Variants in SEMA3D observed in about 807,000 individuals in gnomAD.
The protein encoded by SEMA3D is semaphorin-3D.
In SEMA3D, 84 loss-of-function variants were observed where a neutral mutation model predicts 100.1. The observed-to-expected ratio is 0.84, with a 90% CI of 0.70 to 1.01. SEMA3D has a LOEUF of 1.01. SEMA3D is among the 50% of genes least tolerant of loss of function. SEMA3D has a pLI of 0.00. For synonymous variants in SEMA3D, 312 were observed against 320.7 expected, an observed-to-expected ratio of 0.97 and a Z score of 0.29; for missense variants, 875 against 934.1, an observed-to-expected ratio of 0.94 and a Z score of 0.82.
At position 85,147,092 on chromosome 7, in the gene SEMA3D, CTTTTTTTTTTTTTTTTT is replaced by C. The variant is rs752922884; in HGVS notation, c.-41+6499_-41+6515del. The stretch of plus-strand genomic sequence containing the variant: ...TCTTTCTTTCTTTTCTTTTTCTTTT[CTTTTTTTTTTTTTTTTT>C]TTTTTTTTTTGAGACGGAGTTTTCC... On this transcript the variant is annotated intron_variant, in intron 2 of 18. Transcript: ENST00000284136. Among the ~76,000 whole-genome samples the C allele has an allele frequency of 1.7e-4, 8 of 48,152 alleles. No individual in the cohort carries two copies. In the East Asian group the frequency reaches 2.8e-3, roughly 17 times the overall value. 31.6% of individuals were successfully genotyped at this position (48,152 alleles called of 152,430 possible).
At chr7:85,216,705 G>GA in the SEMA3D span, among the ~76,000 whole-genome samples, 1 of 151,600 alleles carries the variant, frequency 6.6e-6, no homozygotes, top group African/African-American at 2.4e-5. Flanking sequence ...AAAAATGCAA[G>GA]AAAAAAATGG....
chr7:85,128,426 C>G (rs370519772), intron 2 of SEMA3D, among the ~76,000 whole-genome samples: 3 of 152,100 alleles, frequency 2.0e-5, no homozygotes, highest in East Asian at 1.9e-4. Context: ...GCCTCAGGCT[C>G]CCAAAGTGTT....
chr7:85,055,061 G>C (rs911794297), intron 9 of SEMA3D, among the ~76,000 whole-genome samples: 1 of 151,920 alleles, frequency 6.6e-6, no homozygotes, highest in South Asian at 2.1e-4. Context: ...TTGCATTGTG[G>C]TTGTTTGTTT....
the SEMA3D span, among the ~76,000 whole-genome samples, chr7:85,210,352 GA>G: frequency 3.0e-3 from 452 of 152,082 alleles, 1 homozygote; most frequent in African/African-American, 0.01. Context: ...GACTACATAA[GA>G]TACATTTTCT....
chr7:85,012,340 G>A (rs1789977890), intron 17 of SEMA3D, among the ~76,000 whole-genome samples: 1 of 151,716 alleles, frequency 6.6e-6, no homozygotes, highest in Admixed American at 6.6e-5. Context: ...GTGAATATAT[G>A]ATTTGATAGG....
At chr7:85,225,802 C>T in the SEMA3D span, among the ~76,000 whole-genome samples, 2 of 151,976 alleles carry the variant, frequency 1.3e-5, no homozygotes, top group African/African-American at 4.8e-5. Flanking sequence ...ACTGAGGAGG[C>T]GAGCCACACT....
chr7:85,119,190 T>C (rs745800184), intron 3 of SEMA3D, among the ~76,000 whole-genome samples: 5 of 152,170 alleles, frequency 3.3e-5, no homozygotes, highest in Non-Finnish European at 7.3e-5. Flanking sequence ...GTTTAACCAT[T>C]GTGGAAGACA....
intron 4 of SEMA3D, among the ~76,000 whole-genome samples, chr7:85,083,780 G>C (rs1788134481): frequency 6.7e-6 from 1 of 150,222 alleles, no homozygotes; most frequent in Non-Finnish European, 1.5e-5. Context: ...CCGGGAGGCG[G>C]AGCTTGCAGT....
rs1791586199 is a variant in SEMA3D at position 85,065,372 on chromosome 7, T to A, written c.718+52A>T. 5.2e-6 allele frequency: 8 copies of A among 1,535,058 alleles called. No homozygotes were observed. The Admixed American group carries it at 1.4e-4, about 27-fold the overall frequency. ...AATGAATAATAATACACTTCTTATCTATCTTAAACCAAAGCAAGACAATCA... is the reference window on the plus strand; with the variant it reads ...AATGAATAATAATACACTTCTTATCAATCTTAAACCAAAGCAAGACAATCA... On this transcript the variant is annotated intron_variant, in intron 8 of 18. Transcript: ENST00000284136.
intron 12 of SEMA3D, chr7:85,028,117 A>G: frequency 1.6e-6 from 1 of 638,702 alleles, no homozygotes; most frequent in Non-Finnish European, 2.9e-6. Context: ...GTGGTAAATG[A>G]TGCTGGCAGG....
At chr7:85,169,117 A>G (rs1172722848) in intron 1 of SEMA3D, among the ~76,000 whole-genome samples, 1 of 151,764 alleles carries the variant, frequency 6.6e-6, no homozygotes, top group African/African-American at 2.4e-5. Context: ...TTATTTTATC[A>G]TTAGCTTATT....
chr7:85,211,683 G>T, the SEMA3D span, among the ~76,000 whole-genome samples: 1 of 152,158 alleles, frequency 6.6e-6, no homozygotes, highest in Non-Finnish European at 1.5e-5. Flanking sequence ...TGAACTGTGT[G>T]CGTGTGCTCT....
intron 4 of SEMA3D, among the ~76,000 whole-genome samples, chr7:85,083,320 A>G (rs1358587693): frequency 6.6e-6 from 1 of 152,168 alleles, no homozygotes; most frequent in Non-Finnish European, 1.5e-5. Context: ...GAAAAAGAGA[A>G]TAATGTAAGT....
chr7:85,055,837 G>T lies in SEMA3D; in HGVS notation c.741C>A (p.Phe247Leu). The T allele has an allele frequency of 1.3e-6, 2 of 1,567,798 alleles. No individual in the cohort carries two copies. The highest frequency in any genetic ancestry group is 3.5e-5 in the Admixed American group (2 of 56,788). ...WLNGAKFIGT[F>L]FIPDTYNPDD... ...CTGGATTGTAGGTGTCTGGTATGAA[G>T]AAAGTTCCAATAAATTTTGCTCCTG... Residue 247 changes from phenylalanine to leucine, a missense_variant, in exon 9 of 19, where the codon TTC becomes TTA. Physicochemically the swap from Phe to Leu is conservative, Grantham distance 22. Transcript: ENST00000284136.
chr7:85,160,676 C>T (rs1790722666), intron 1 of SEMA3D, among the ~76,000 whole-genome samples: 1 of 152,002 alleles, frequency 6.6e-6, no homozygotes, highest in African/African-American at 2.4e-5. Flanking sequence ...CCAGGCTTCT[C>T]ATTATCCAAA....
At chr7:85,223,399 A>C in the SEMA3D span, among the ~76,000 whole-genome samples, 3 of 152,142 alleles carry the variant, frequency 2.0e-5, no homozygotes, top group Non-Finnish European at 4.4e-5. Context: ...GAGGAAAATA[A>C]GTCATTACAT....
the SEMA3D span, among the ~76,000 whole-genome samples, chr7:85,247,891 C>A: frequency 6.6e-6 from 1 of 152,028 alleles, no homozygotes; most frequent in African/African-American, 2.4e-5. Flanking sequence ...CAAATTACCT[C>A]AAAGTGCATT....
chr7:85,204,292 C>G, the SEMA3D span, among the ~76,000 whole-genome samples: 5 of 149,100 alleles, frequency 3.4e-5, no homozygotes, highest in South Asian at 2.1e-4. Context: ...GAGCATTACA[C>G]CAAAGAACTT....
At chr7:85,198,415 A>T in the SEMA3D span, among the ~76,000 whole-genome samples, 6 of 151,922 alleles carry the variant, frequency 3.9e-5, no homozygotes, top group Non-Finnish European at 5.9e-5. Flanking sequence ...TCCTACCTTT[A>T]TCATGGATCC....
Sources: allele counts gnomAD v4.1 joint callset (sites outside exome capture counted in the v4.1 genomes callset), GRCh38; gene constraint gnomAD v4.1.1; transcripts MANE v1.5; gene names NCBI Gene and HGNC (gene_info 2026-07-23, HGNC 2026-07-21).